The following GLDC variants were observed in gnomAD, a reference collection of about 807,000 sequenced individuals.
GLDC encodes glycine dehydrogenase (decarboxylating), mitochondrial.
GLDC carries 104 observed loss-of-function variants against 121.3 expected under a neutral mutation model. That is an observed-to-expected ratio of 0.86 (90% confidence interval 0.73 to 1.01). GLDC has a LOEUF of 1.01. Ranked by LOEUF, GLDC falls within the 50% of genes least tolerant of loss-of-function variation. The pLI is 0.00. For missense variants in GLDC, 1,429 were observed against 1,306.6 expected (o/e 1.09, Z -1.44); for synonymous variants, 546 against 480.6 (o/e 1.14, Z -1.78).
At position 6,623,606 on chromosome 9, in the gene GLDC, G is replaced by T. The variant is rs1034490519; in HGVS notation, c.335-3287C>A. Reference sequence around the variant, plus strand: ...CCCTCTGAGAGAAACACCCAAGAATGATCAATAAAAAAAAAAATAAAAAAA... The same window carrying T: ...CCCTCTGAGAGAAACACCCAAGAATTATCAATAAAAAAAAAAATAAAAAAA... On this transcript the variant is annotated intron_variant, in intron 2 of 24. Transcript: ENST00000321612. Among the ~76,000 whole-genome samples the T allele has an allele frequency of 1.7e-4, 25 of 149,898 alleles. 1 individual carries two copies. Among genetic ancestry groups the T allele is most frequent in the Admixed American group, 6.6e-5 (1 of 15,048 alleles).
intron 4 of GLDC, among the ~76,000 whole-genome samples, chr9:6,607,668 G>C (rs1015343102): frequency 6.6e-6 from 1 of 151,792 alleles, no homozygotes; most frequent in Non-Finnish European, 1.5e-5. Flanking sequence ...GGGGAGAACA[G>C]GGTCTCGGTC....
intron 2 of GLDC, among the ~76,000 whole-genome samples, chr9:6,634,797 G>C (rs1819468277): frequency 2.0e-5 from 3 of 151,984 alleles, no homozygotes; most frequent in African/African-American, 2.4e-5. Flanking sequence ...AGTTAGACCT[G>C]CATTAGTTTG....
At chr9:6,587,368 G>A (rs544341758) in intron 14 of GLDC, 85 bp from the exon 15 acceptor site, 3 of 1,031,506 alleles carry the variant, frequency 2.9e-6, no homozygotes, top group Admixed American at 3.6e-5. Flanking sequence ...ACGATGATGA[G>A]AAAAGCTATG....
intron 2 of GLDC, among the ~76,000 whole-genome samples, chr9:6,628,581 A>G (rs1819296505): frequency 6.6e-6 from 1 of 152,208 alleles, no homozygotes; most frequent in Non-Finnish European, 1.5e-5. Flanking sequence ...GTTTGAGCCC[A>G]GGAGTTCGAG....
chr9:6,644,030 A>AG, intron 2 of GLDC, among the ~76,000 whole-genome samples: 1 of 106,848 alleles, frequency 9.4e-6, no homozygotes, highest in Non-Finnish European at 1.9e-5. Context: ...ATTCTGTCTC[A>AG]AAAAAAAAAA....
At chr9:6,579,974 T>C (rs73398391) in intron 15 of GLDC, among the ~76,000 whole-genome samples, 3,119 of 152,286 alleles carry the variant, frequency 0.02, 111 homozygotes, top group African/African-American at 0.068. Context: ...CAGTCCTCTG[T>C]TGGGGGCAGT....
rs560145766 is a variant in GLDC, at chr9:6,644,212, C to A, written c.334+402G>T. On this transcript the variant is annotated intron_variant, in intron 2 of 24. Coordinates refer to ENST00000321612, the MANE Select transcript of GLDC (RefSeq NM_000170.3). ...AGGGAGGCGAGATGTCTGGTCACTT[C>A]CCCAGTTGCACGACCTTAGGCAATT... Among the ~76,000 whole-genome samples the A allele has an allele frequency of 2.9e-3, 447 of 151,936 alleles. 3 individuals are homozygous for A. The highest frequency in any genetic ancestry group is 9.6e-3 in the African/African-American group (399 of 41,440).
chr9:6,574,169 C>T (rs1021476410), intron 15 of GLDC, among the ~76,000 whole-genome samples: 1 of 152,036 alleles, frequency 6.6e-6, no homozygotes, highest in Non-Finnish European at 1.5e-5. Flanking sequence ...AGTCTAGTTC[C>T]CAGACAATAG....
intron 8 of GLDC, among the ~76,000 whole-genome samples, chr9:6,597,755 T>C (rs1287724780): frequency 1.3e-5 from 2 of 151,772 alleles, no homozygotes; most frequent in Admixed American, 1.3e-4. Flanking sequence ...GCTAACATGG[T>C]GAAACCCTGT....
At chr9:6,587,582 A>C (rs1818296027) in intron 14 of GLDC, among the ~76,000 whole-genome samples, 1 of 152,210 alleles carries the variant, frequency 6.6e-6, no homozygotes, top group East Asian at 1.9e-4. Context: ...AAACACAATG[A>C]GTTGCTTCAG....
At chr9:6,566,982 C>A (rs1817867183) in intron 15 of GLDC, among the ~76,000 whole-genome samples, 1 of 152,112 alleles carries the variant, frequency 6.6e-6, no homozygotes, top group Admixed American at 6.5e-5. Context: ...AGCCTGCCTC[C>A]CAGAGCTACG....
At chr9:6,569,832 C>A (rs1002821647) in intron 15 of GLDC, among the ~76,000 whole-genome samples, 19 of 151,484 alleles carry the variant, frequency 1.3e-4, no homozygotes, top group African/African-American at 4.6e-4. Context: ...AAAAATTAGC[C>A]AGGTGTGGTG....
Position 6,644,050 on chromosome 9 carries a change from A to AAAAAAAAAAAC in GLDC, c.334+563_334+564insGTTTTTTTTTT, listed in dbSNP as rs55988287. On this transcript the variant is annotated intron_variant, in intron 2 of 24. Transcript: ENST00000321612. ...GTCTCAAAAAAAAAAAAAAAAAAAAACGAAAAAAAAAAGAAAAGAAAAGAA... is the reference window on the plus strand; with the variant it reads ...GTCTCAAAAAAAAAAAAAAAAAAAAAAAAAAAAAAACCGAAAAAAAAAAGAAAAGAAAAGAA... 4.4e-3 allele frequency among the ~76,000 whole-genome samples: 407 copies of AAAAAAAAAAAC among 92,688 alleles called. 21 individuals are homozygous for AAAAAAAAAAAC. Among genetic ancestry groups the AAAAAAAAAAAC allele is most frequent in the African/African-American group, 0.011 (236 of 20,916 alleles). 60.8% of individuals were successfully genotyped at this position (92,688 alleles called of 152,430 possible).
intron 7 of GLDC, 51 bp downstream of exon 7, chr9:6,604,537 A>C (rs757837589): frequency 2.0e-6 from 3 of 1,481,374 alleles, no homozygotes; most frequent in Non-Finnish European, 2.8e-6. Context: ...ATCAGAAGAA[A>C]TCAGGGAAAT....
intron 21 of GLDC, among the ~76,000 whole-genome samples, chr9:6,550,128 G>T (rs886264903): frequency 6.6e-6 from 1 of 152,184 alleles, no homozygotes; most frequent in African/African-American, 2.4e-5. Context: ...CCAGCAAGAA[G>T]GCGCTGTCAA....
chr9:6,642,722 CTTTA>C (rs1439004584), intron 2 of GLDC, among the ~76,000 whole-genome samples: 2 of 152,014 alleles, frequency 1.3e-5, no homozygotes, highest in African/African-American at 4.8e-5. Context: ...GAAAAGAACA[CTTTA>C]TTTTAGAGTA....
intron 16 of GLDC, among the ~76,000 whole-genome samples, chr9:6,562,401 C>G (rs1336773608): frequency 6.6e-6 from 1 of 152,128 alleles, no homozygotes; most frequent in African/African-American, 2.4e-5. Context: ...CATGACTTCC[C>G]CACACTCCCT....
intron 15 of GLDC, among the ~76,000 whole-genome samples, chr9:6,581,457 T>A (rs1818169268): frequency 6.6e-6 from 1 of 152,240 alleles, no homozygotes; most frequent in South Asian, 2.1e-4. Flanking sequence ...GGTCTGATTT[T>A]GGGAAACCCC....
intron 16 of GLDC, among the ~76,000 whole-genome samples, chr9:6,562,419 A>C (rs1033890029): frequency 6.6e-6 from 1 of 152,166 alleles, no homozygotes; most frequent in Non-Finnish European, 1.5e-5. Context: ...CCTTTCAAAA[A>C]AGAATGATAT....
Sources: allele counts gnomAD v4.1 joint callset (sites outside exome capture counted in the v4.1 genomes callset), GRCh38; gene constraint gnomAD v4.1.1; transcripts MANE v1.5; gene names NCBI Gene and HGNC (gene_info 2026-07-23, HGNC 2026-07-21).